Variants in GPC5 observed in about 807,000 individuals in gnomAD.
The protein encoded by GPC5 is glypican-5.
A neutral mutation model predicts 53.9 loss-of-function variants in GPC5; 47 were observed. The observed-to-expected ratio is 0.87, with a 90% CI of 0.69 to 1.11. The LOEUF (loss-of-function observed/expected upper bound fraction) is 1.11, where lower values mean the gene tolerates loss of function less well. Among genes scored for constraint, GPC5 ranks in the 50% most tolerant of loss-of-function variants. The pLI is 0.00. For synonymous variants in GPC5, 286 were observed against 263.3 expected (o/e 1.09, Z -0.84); for missense variants, 748 against 713.1 (o/e 1.05, Z -0.56).
At chr13:92,860,050 C>G (rs1879129084) in intron 7 of GPC5, among the ~76,000 whole-genome samples, 1 of 152,100 alleles carries the variant, frequency 6.6e-6, no homozygotes, top group South Asian at 2.1e-4. Flanking sequence ...TGCTATTACT[C>G]AGAGCTATAA....
At chr13:92,119,383 G>C (rs960847352) in intron 6 of GPC5, among the ~76,000 whole-genome samples, 1 of 123,738 alleles carries the variant, frequency 8.1e-6, no homozygotes, top group African/African-American at 3.1e-5. Context: ...TTCACATTAG[G>C]ATTTTAGTTT....
chr13:92,863,320 C>G (rs1325704072), intron 7 of GPC5, among the ~76,000 whole-genome samples: 1 of 152,026 alleles, frequency 6.6e-6, no homozygotes, highest in Non-Finnish European at 1.5e-5. Flanking sequence ...TCTATAAAAG[C>G]AGGTAATAAT....
chr13:91,447,374 G>T, intron 1 of GPC5, among the ~76,000 whole-genome samples: 4 of 144,512 alleles, frequency 2.8e-5, no homozygotes, highest in Non-Finnish European at 3.0e-5. Flanking sequence ...AGTAGAATTT[G>T]CTCTTACGTA....
intron 7 of GPC5, chr13:92,484,556 A>G (rs970279932): frequency 5.3e-5 from 8 of 152,136 alleles, no homozygotes; most frequent in African/African-American, 1.9e-4. Context: ...GTGCTCTGAC[A>G]TCACAATGGC....
intron 7 of GPC5, among the ~76,000 whole-genome samples, chr13:92,565,715 T>C (rs1882842153): frequency 6.6e-6 from 1 of 152,098 alleles, no homozygotes; most frequent in Non-Finnish European, 1.5e-5. Flanking sequence ...TATGTAGAAA[T>C]TTACATTCAT....
chr13:91,407,845 A>G (rs1170424940), intron 1 of GPC5, among the ~76,000 whole-genome samples: 1 of 152,212 alleles, frequency 6.6e-6, no homozygotes, highest in South Asian at 2.1e-4. Context: ...TGTAGCAGGT[A>G]TAATCTGTCT....
At chr13:92,408,648 A>ACT (rs1284029130) in intron 7 of GPC5, among the ~76,000 whole-genome samples, 1 of 147,884 alleles carries the variant, frequency 6.8e-6, no homozygotes, top group Non-Finnish European at 1.5e-5. Flanking sequence ...ACACACACAC[A>ACT]CACACATATA....
At chr13:91,737,617 CAT>C (rs1328217908) in intron 4 of GPC5, among the ~76,000 whole-genome samples, 2 of 151,390 alleles carry the variant, frequency 1.3e-5, no homozygotes, top group African/African-American at 4.9e-5. Context: ...ATAAATAAGG[CAT>C]AACCTTTTCA....
At chr13:92,712,946 C>A (rs570956310) in intron 7 of GPC5, among the ~76,000 whole-genome samples, 1 of 152,062 alleles carries the variant, frequency 6.6e-6, no homozygotes, top group South Asian at 2.1e-4. Flanking sequence ...GAAACCAACC[C>A]TGCCAATACC....
intron 2 of GPC5, among the ~76,000 whole-genome samples, chr13:91,660,949 A>AT (rs1487357010): frequency 6.6e-6 from 1 of 152,174 alleles, no homozygotes; most frequent in African/African-American, 2.4e-5. Flanking sequence ...ATGTGCTGTC[A>AT]CTTAGAATGG....
At chr13:91,851,404 G>C (rs1377318953) in intron 5 of GPC5, among the ~76,000 whole-genome samples, 1 of 152,144 alleles carries the variant, frequency 6.6e-6, no homozygotes. Context: ...TCAGTAAGTA[G>C]TGAGTGAATG....
At chr13:91,839,736 A>T (rs921794311) in intron 5 of GPC5, among the ~76,000 whole-genome samples, 1 of 152,072 alleles carries the variant, frequency 6.6e-6, no homozygotes, top group Non-Finnish European at 1.5e-5. Flanking sequence ...GAGCTTTAGA[A>T]ATGTGAGAAG....
Position 91,515,584 on chromosome 13 carries a change from G to T in GPC5, c.325+66662G>T, listed in dbSNP as rs542243097. ...CTGTAGTTTTATCTTATTTGAATCT[G>T]TGTTTTCCATAAAAATACCTTTCTA... On this transcript the variant is annotated intron_variant, in intron 2 of 7. Coordinates refer to ENST00000377067, the MANE Select transcript of GPC5 (RefSeq NM_004466.6). Among the ~76,000 whole-genome samples the T allele has an allele frequency of 6.1e-4, 93 of 152,280 alleles. No individual in the cohort carries two copies. The South Asian group carries it at 7.5e-3, about 12-fold the overall frequency.
At chr13:91,461,171 G>C (rs572213340) in intron 2 of GPC5, among the ~76,000 whole-genome samples, 1 of 152,014 alleles carries the variant, frequency 6.6e-6, no homozygotes, top group East Asian at 1.9e-4. Flanking sequence ...AAAGATAATC[G>C]AACTTTTGCA....
At chr13:92,389,203 G>A (rs72638691) in intron 7 of GPC5, among the ~76,000 whole-genome samples, 5,778 of 152,134 alleles carry the variant, frequency 0.038, 164 homozygotes, top group Middle Eastern at 0.12. Flanking sequence ...TATTTATAGC[G>A]GAGGAAACAG....
At chr13:91,550,666 A>C (rs2138819761) in intron 2 of GPC5, among the ~76,000 whole-genome samples, 1 of 152,168 alleles carries the variant, frequency 6.6e-6, no homozygotes, top group East Asian at 1.9e-4. Flanking sequence ...CCTTGAATAA[A>C]ATTTTTTGAT....
chr13:92,372,089 C>T (rs1241728445), intron 7 of GPC5, among the ~76,000 whole-genome samples: 1 of 152,134 alleles, frequency 6.6e-6, no homozygotes. Flanking sequence ...AGAAATCCTC[C>T]CCTAGGTTCT....
At chr13:92,770,102 C>T (rs1365832801) in intron 7 of GPC5, among the ~76,000 whole-genome samples, 1 of 152,034 alleles carries the variant, frequency 6.6e-6, no homozygotes, top group Non-Finnish European at 1.5e-5. Flanking sequence ...TTTTCCTTAC[C>T]CCAAAACCTC....
chr13:92,492,571 A>T (rs1594247525), intron 7 of GPC5, among the ~76,000 whole-genome samples: 2 of 152,172 alleles, frequency 1.3e-5, no homozygotes, highest in African/African-American at 4.8e-5. Flanking sequence ...AAAGTAACAC[A>T]TTAATTTTCT....
Sources: gnomAD v4.1 joint callset for allele counts (sites outside exome capture counted in the v4.1 genomes callset) on GRCh38, gnomAD v4.1.1 for gene constraint, MANE v1.5 for transcripts, NCBI Gene and HGNC (gene_info 2026-07-23, HGNC 2026-07-21) for gene names.